The following PACSIN2 variants were observed in gnomAD, a reference collection of about 807,000 sequenced individuals.
PACSIN2 encodes the protein protein kinase C and casein kinase substrate in neurons 2, also known as protein kinase C and casein kinase substrate in neurons protein 2.
A neutral mutation model predicts 63.8 loss-of-function variants in PACSIN2; 25 were observed. That is an observed-to-expected ratio of 0.39 (90% CI 0.29 to 0.55). PACSIN2 has a LOEUF of 0.55. Ranked by LOEUF, PACSIN2 falls within the 20% of genes least tolerant of loss-of-function variation. The pLI is 0.62. For missense variants in PACSIN2, 518 were observed against 646.9 expected (o/e 0.80, Z 2.16); for synonymous variants, 255 against 256.2 (o/e 1.00, Z 0.05).
intron 1 of PACSIN2, among the ~76,000 whole-genome samples, chr22:42,915,077 A>G (rs1481519061): frequency 6.6e-6 from 1 of 152,188 alleles, no homozygotes; most frequent in Non-Finnish European, 1.5e-5. Context: ...ACTGTTGCCC[A>G]GACTGGTCTC....
chr22:42,979,935 A>G (rs1921965691), intron 1 of PACSIN2, among the ~76,000 whole-genome samples: 1 of 152,236 alleles, frequency 6.6e-6, no homozygotes, highest in Admixed American at 6.5e-5. Flanking sequence ...CACATTTATT[A>G]CACATACGCA....
rs1920928975 is a variant in PACSIN2 at position 42,963,150 on chromosome 22, T to C, written c.-77-50993A>G. Among the ~76,000 whole-genome samples, 5 of 152,298 alleles carry C rather than the reference T, an allele frequency of 3.3e-5. No homozygotes were observed. The South Asian group carries it at 1.0e-3, about 32-fold the overall frequency. On this transcript the variant is annotated intron_variant, in intron 1 of 10. Transcript: ENST00000263246. ...TGGACATTCATTCAACAAACATTAA[T>C]GCCAGGCACAGTGCTTAGGGTCCCA...
Position 42,876,966 on chromosome 22 carries a change from T to C in PACSIN2, c.1073A>G (p.Gln358Arg). The C allele has an allele frequency of 1.2e-6, 2 of 1,614,162 alleles. No homozygotes were observed. The highest frequency in any genetic ancestry group is 1.7e-6 in the Non-Finnish European group (2 of 1,180,010). Residue 358 changes from glutamine (Q) to arginine (R), a missense_variant, in exon 9 of 11, where the codon CAG (glutamine) becomes CGG (arginine). Physicochemically the swap from Gln to Arg is conservative, Grantham distance 43. This residue lies in a region of PACSIN2 where 507 missense variants were observed against 612.3 expected (regional missense o/e 0.83). Coordinates refer to ENST00000263246, the MANE Select transcript of PACSIN2 (RefSeq NM_001184970.3). ...ATCCTCGAAGGGGTTGTAGCTGGAC[T>C]GTGACTGCGCAGACTGGGCGGGGTT... ...PSNPAQSAQS[Q>R]SSYNPFEDED...
intron 1 of PACSIN2, among the ~76,000 whole-genome samples, chr22:42,934,331 A>G (rs189705796): frequency 6.6e-6 from 1 of 152,366 alleles, no homozygotes; most frequent in Non-Finnish European, 1.5e-5. Context: ...CGGGAAACGC[A>G]AGACCTTCAA....
intron 10 of PACSIN2, among the ~76,000 whole-genome samples, chr22:42,872,781 A>C (rs2146618531): frequency 6.6e-6 from 1 of 152,386 alleles, no homozygotes; most frequent in South Asian, 2.1e-4. Flanking sequence ...GCACTGGCTC[A>C]GCCTCCCACT....
At chr22:42,997,237 C>G (rs889072060) in intron 1 of PACSIN2, among the ~76,000 whole-genome samples, 1 of 152,226 alleles carries the variant, frequency 6.6e-6, no homozygotes, top group Non-Finnish European at 1.5e-5. Flanking sequence ...TAGCACATGG[C>G]AGGCGTTCAA....
At chr22:42,976,576 G>A (rs1362860866) in intron 1 of PACSIN2, among the ~76,000 whole-genome samples, 2 of 152,214 alleles carry the variant, frequency 1.3e-5, no homozygotes, top group East Asian at 3.8e-4. Context: ...TATTTATGTA[G>A]ATTCTATGAC....
chr22:42,991,848 G>A (rs9620109), intron 1 of PACSIN2, among the ~76,000 whole-genome samples: 5,579 of 145,836 alleles, frequency 0.038, 359 homozygotes, highest in African/African-American at 0.13. Flanking sequence ...TTCACACACC[G>A]CAACACATTT....
intron 1 of PACSIN2, among the ~76,000 whole-genome samples, chr22:42,981,127 T>C (rs1200812059): frequency 1.4e-5 from 2 of 140,350 alleles, no homozygotes; most frequent in African/African-American, 2.7e-5. Flanking sequence ...GGAGCACCTC[T>C]GCCCCACCGC....
At chr22:42,913,287 C>T (rs1448864253) in intron 1 of PACSIN2, among the ~76,000 whole-genome samples, 1 of 152,130 alleles carries the variant, frequency 6.6e-6, no homozygotes, top group Non-Finnish European at 1.5e-5. Context: ...CAAGACCAGC[C>T]TGACCAAGAC....
rs1027388828 is a variant in PACSIN2 at position 42,999,379 on chromosome 22, C to A, written c.-78+15642G>T. ...TGTGTGTACGGAGGCATTAAAAAAT[C>A]TGTCTACAGGCCAGGCGTGGTGGCT... On this transcript the variant is annotated intron_variant, in intron 1 of 10. Transcript: ENST00000263246. 1.1e-4 allele frequency among the ~76,000 whole-genome samples: 16 copies of A among 152,310 alleles called. No individual in the cohort carries two copies. The Middle Eastern group carries it at 0.014, about 130-fold the overall frequency.
chr22:42,896,706 A>G (rs992074657), intron 2 of PACSIN2, among the ~76,000 whole-genome samples: 7 of 152,206 alleles, frequency 4.6e-5, no homozygotes, highest in Admixed American at 2.0e-4. Flanking sequence ...ACCCAAAGTG[A>G]CTGGACAGCT....
intron 1 of PACSIN2, among the ~76,000 whole-genome samples, chr22:42,955,359 G>C (rs941225634): frequency 2.6e-5 from 4 of 152,142 alleles, no homozygotes; most frequent in African/African-American, 4.8e-5. Flanking sequence ...CCAGCATCCA[G>C]GTGAACTGTC....
At chr22:42,945,374 CCT>C (rs2146813687) in intron 1 of PACSIN2, among the ~76,000 whole-genome samples, 1 of 152,138 alleles carries the variant, frequency 6.6e-6, no homozygotes, top group African/African-American at 2.4e-5. Context: ...TGTCCCAGGC[CCT>C]CTCTCTTACG....
At chr22:42,949,743 CCTT>C (rs1933598830) in intron 1 of PACSIN2, among the ~76,000 whole-genome samples, 1 of 152,038 alleles carries the variant, frequency 6.6e-6, no homozygotes, top group Non-Finnish European at 1.5e-5. Context: ...AAGAACCTGT[CCTT>C]CATAAAAATT....
chr22:42,900,109 G>A (rs1930572767), intron 2 of PACSIN2, among the ~76,000 whole-genome samples: 1 of 151,916 alleles, frequency 6.6e-6, no homozygotes, highest in Non-Finnish European at 1.5e-5. Context: ...CCTTGCTGGA[G>A]CACCAGCGTG....
chr22:42,888,409 C>T (rs1226360108), intron 5 of PACSIN2, among the ~76,000 whole-genome samples: 6 of 152,206 alleles, frequency 3.9e-5, no homozygotes, highest in Non-Finnish European at 8.8e-5. Context: ...TGTCTCTTAC[C>T]CCTGGCTTGC....
At chr22:42,910,708 G>A (rs938484916) in intron 2 of PACSIN2, among the ~76,000 whole-genome samples, 3 of 143,896 alleles carry the variant, frequency 2.1e-5, no homozygotes, top group African/African-American at 5.4e-5. Context: ...GTGCCTCTCC[G>A]GCTGCTGAAA....
intron 1 of PACSIN2, among the ~76,000 whole-genome samples, chr22:42,933,674 G>C (rs1031025134): frequency 1.3e-5 from 2 of 152,092 alleles, no homozygotes; most frequent in Non-Finnish European, 2.9e-5. Context: ...ACCCCAACGG[G>C]GCCCTCACAG....
Sources: allele counts gnomAD v4.1 joint callset (sites outside exome capture counted in the v4.1 genomes callset), GRCh38; gene constraint gnomAD v4.1.1; regional missense constraint gnomAD v4.1.1; transcripts MANE v1.5; gene names NCBI Gene and HGNC (gene_info 2026-07-23, HGNC 2026-07-21).